GRM8: variants seen among roughly 807,000 people sequenced by gnomAD.
GRM8 encodes the protein glutamate metabotropic receptor 8.
Under a neutral mutation model 87.2 loss-of-function variants are expected in GRM8, and 47 were observed. That is an observed-to-expected ratio of 0.54 (90% confidence interval 0.43 to 0.69). The LOEUF (loss-of-function observed/expected upper bound fraction) is 0.69, where lower values mean the gene tolerates loss of function less well. Ranked by LOEUF, GRM8 falls within the 30% of genes least tolerant of loss-of-function variation. GRM8 has a pLI of 0.00. For missense variants in GRM8, 1,019 were observed against 1,139.2 expected (o/e 0.89, Z 1.52); for synonymous variants, 396 against 404.5 (o/e 0.98, Z 0.25).
rs116457992 is a variant in GRM8 at position 126,455,322 on chromosome 7, C to T, written c.2431-8950G>A. On this transcript the variant is annotated intron_variant, in intron 9 of 10. Transcript: ENST00000339582. ...TCTAATTTGAAAGCCCATATCCTTA[C>T]CACACACCATCTGGCCCCCATAAAT... 3.2e-3 allele frequency among the ~76,000 whole-genome samples: 488 copies of T among 151,456 alleles called. 3 individuals are homozygous for T. Among genetic ancestry groups the T allele is most frequent in the African/African-American group, 0.011 (462 of 41,410 alleles).
chr7:127,131,170 C>T (rs1337443983), intron 2 of GRM8, among the ~76,000 whole-genome samples: 1 of 152,230 alleles, frequency 6.6e-6, no homozygotes, highest in Non-Finnish European at 1.5e-5. Flanking sequence ...TCCCAACCTT[C>T]ACTTTTGTTC....
intron 7 of GRM8, among the ~76,000 whole-genome samples, chr7:126,768,903 T>C (rs1051510415): frequency 4.5e-5 from 6 of 134,372 alleles, no homozygotes; most frequent in Admixed American, 2.2e-4. Context: ...AATTCTGTCT[T>C]AGGTTGCCTT....
chr7:126,653,815 A>G (rs1018117399), intron 7 of GRM8, among the ~76,000 whole-genome samples: 1 of 152,242 alleles, frequency 6.6e-6, no homozygotes, highest in Non-Finnish European at 1.5e-5. Context: ...ATTTCTATTT[A>G]TCATCTTCAG....
intron 2 of GRM8, among the ~76,000 whole-genome samples, chr7:127,232,505 CT>C (rs2116818114): frequency 6.6e-6 from 1 of 152,266 alleles, no homozygotes; most frequent in East Asian, 1.9e-4. Context: ...CCACCTTGGC[CT>C]CCCACAGTGC....
intron 8 of GRM8, among the ~76,000 whole-genome samples, chr7:126,534,972 C>T (rs1163642405): frequency 1.3e-5 from 2 of 151,944 alleles, no homozygotes; most frequent in African/African-American, 2.4e-5. Flanking sequence ...AGAGCAGAGC[C>T]CTGAGGAATA....
Position 126,747,183 on chromosome 7 carries a change from G to A in GRM8, c.1357+22682C>T, listed in dbSNP as rs544530986. On this transcript the variant is annotated intron_variant, in intron 7 of 10. Coordinates refer to ENST00000339582, the MANE Select transcript of GRM8 (RefSeq NM_000845.3). ...ACCTTGGAATGCCTGGTTACAAGAG[G>A]ATAGCCGTATACATAGACGTTACTT... Among the ~76,000 whole-genome samples, 40 of 152,008 alleles carry A rather than the reference G, an allele frequency of 2.6e-4. 1 individual carries two copies. In the South Asian group the frequency reaches 3.7e-3, roughly 14 times the overall value.
chr7:127,022,419 A>T (rs1205933412), intron 3 of GRM8, among the ~76,000 whole-genome samples: 5 of 152,178 alleles, frequency 3.3e-5, no homozygotes, highest in Non-Finnish European at 4.4e-5. Flanking sequence ...TTATTTTTTT[A>T]AATTTAATGA....
chr7:126,956,858 C>A (rs978307073), intron 3 of GRM8, among the ~76,000 whole-genome samples: 3 of 152,272 alleles, frequency 2.0e-5, no homozygotes, highest in African/African-American at 7.2e-5. Context: ...CAAAATTTAT[C>A]TTTTCTTCTG....
chr7:126,516,409 A>G (rs1812169970), intron 9 of GRM8, among the ~76,000 whole-genome samples: 1 of 152,106 alleles, frequency 6.6e-6, no homozygotes, highest in Non-Finnish European at 1.5e-5. Context: ...CCTCTTATGG[A>G]GAACTGAGAC....
At chr7:126,863,552 G>A (rs1032611363) in intron 6 of GRM8, among the ~76,000 whole-genome samples, 2 of 152,132 alleles carry the variant, frequency 1.3e-5, no homozygotes, top group African/African-American at 4.8e-5. Flanking sequence ...GACAAGCTTA[G>A]TCAAACCCAT....
chr7:127,206,583 T>C (rs1795924258), intron 2 of GRM8, among the ~76,000 whole-genome samples: 2 of 151,980 alleles, frequency 1.3e-5, no homozygotes, highest in Non-Finnish European at 2.9e-5. Context: ...TGAGAAGTTT[T>C]ACTTCCTCAG....
At chr7:126,730,369 G>A (rs998120255) in intron 7 of GRM8, among the ~76,000 whole-genome samples, 1 of 152,158 alleles carries the variant, frequency 6.6e-6, no homozygotes. Flanking sequence ...AAATGCCTGA[G>A]CAAAGATCCA....
chr7:126,884,931 C>T (rs1244121297), intron 6 of GRM8, among the ~76,000 whole-genome samples: 3 of 152,136 alleles, frequency 2.0e-5, no homozygotes, highest in Non-Finnish European at 4.4e-5. Flanking sequence ...AAGTTAGGGG[C>T]CTTGTATCCT....
Position 127,242,996 on chromosome 7 carries a change from T to C in GRM8, c.209A>G (p.Glu70Gly), listed in dbSNP as rs1563604565. ...RGVPCGELKKEKGIHRLEAML... is the reference protein window; with the variant it reads ...RGVPCGELKKGKGIHRLEAML... ...GGCCTCCAGTCTGTGAATCCCCTTT[T>C]CCTTCTTCAGCTCCCCACAAGGCAC... Residue 70 changes from glutamate (E) to glycine (G), a missense_variant, in exon 2 of 11, where the codon GAA becomes GGA. By Grantham distance (98) the Glu-to-Gly change is moderately conservative. Coordinates refer to ENST00000339582, the MANE Select transcript of GRM8 (RefSeq NM_000845.3). 7 of 1,614,084 alleles carry C rather than the reference T, an allele frequency of 4.3e-6. No individual in the cohort carries two copies. Among genetic ancestry groups the C allele is most frequent in the Non-Finnish European group, 5.1e-6 (6 of 1,180,000 alleles).
chr7:127,233,183 C>T lies in GRM8; in HGVS notation c.510+9512G>A, dbSNP rs548117198. On this transcript the variant is annotated intron_variant, in intron 2 of 10. Coordinates refer to ENST00000339582, the MANE Select transcript of GRM8 (RefSeq NM_000845.3). ...AGAATTAGAGAGATAAATTATCTTG[C>T]TTAAGGTAACACAGTTAACAAGCAT... Among the ~76,000 whole-genome samples the T allele has an allele frequency of 1.1e-3, 166 of 152,236 alleles. 1 individual carries two copies. Among genetic ancestry groups the T allele is most frequent in the African/African-American group, 4.0e-3 (165 of 41,546 alleles).
chr7:127,011,962 C>T (rs79386987), intron 3 of GRM8, among the ~76,000 whole-genome samples: 323 of 152,140 alleles, frequency 2.1e-3, no homozygotes, highest in African/African-American at 7.4e-3. Context: ...ACCTGTGAAT[C>T]GACATTAATC....
intron 2 of GRM8, among the ~76,000 whole-genome samples, chr7:127,152,821 T>A (rs1792481814): frequency 6.6e-6 from 1 of 152,150 alleles, no homozygotes; most frequent in East Asian, 1.9e-4. Flanking sequence ...ATAAAAATAA[T>A]TTTCAGACAT....
Position 127,106,563 on chromosome 7 carries a change from TG to T in GRM8, c.659del (p.Thr220AsnfsTer51). 1 of 1,614,116 alleles carries T rather than the reference TG, an allele frequency of 6.2e-7. No individual in the cohort carries two copies. Among genetic ancestry groups the T allele is most frequent in the Non-Finnish European group, 8.5e-7 (1 of 1,180,022 alleles). On this transcript the variant is annotated frameshift_variant, in exon 3 of 11. Transcript: ENST00000339582. LOFTEE classifies it high-confidence loss of function. ...CACCATAGTTCCCCTCAGAAGCCAG[TG>T]TCGAAACATAATTCCATCCCAGTGC... ...VTALGWNYVSTLASEGNYGES... is the reference protein window; with the variant it reads ...VTALGWNYVSXLASEGNYGES...
chr7:126,458,758 A>C (rs891373632), intron 9 of GRM8, among the ~76,000 whole-genome samples: 1 of 151,280 alleles, frequency 6.6e-6, no homozygotes, highest in African/African-American at 2.4e-5. Flanking sequence ...TAAAAAGGTA[A>C]TCAAATTAAA....
Sources: allele counts gnomAD v4.1 joint callset (sites outside exome capture counted in the v4.1 genomes callset), GRCh38; gene constraint gnomAD v4.1.1; transcripts MANE v1.5; gene names NCBI Gene and HGNC (gene_info 2026-07-23, HGNC 2026-07-21).